Variants in RNF228 observed in about 807,000 individuals in gnomAD.
RNF228 encodes the protein ring finger protein 228.
chr2:222,316,192 T>C, the RNF228 span, among the ~76,000 whole-genome samples: 5 of 152,308 alleles, frequency 3.3e-5, no homozygotes, highest in Admixed American at 6.5e-5. Context: ...TTAAACCCAA[T>C]CTGCTGAATG....
At chr2:222,318,970 C>T in the RNF228 span, 1 of 153,266 alleles carries the variant, frequency 6.5e-6, no homozygotes, top group African/African-American at 2.4e-5. Flanking sequence ...CAGAGGCCCC[C>T]TCTTCTCCCG....
At chr2:222,315,317 G>A in the RNF228 span, among the ~76,000 whole-genome samples, 5 of 152,164 alleles carry the variant, frequency 3.3e-5, no homozygotes, top group African/African-American at 1.2e-4. Flanking sequence ...CAAAGTTCCT[G>A]TTTATGTCTT....
the RNF228 span, among the ~76,000 whole-genome samples, chr2:222,315,665 G>A: frequency 1.2e-4 from 18 of 152,236 alleles, no homozygotes; most frequent in Admixed American, 9.8e-4. Flanking sequence ...ACTCAAAGGA[G>A]GTTAAATGAT....
the RNF228 span, among the ~76,000 whole-genome samples, chr2:222,314,921 A>G: frequency 6.6e-6 from 1 of 152,236 alleles, no homozygotes; most frequent in African/African-American, 2.4e-5. Flanking sequence ...ATGTTCACAA[A>G]GATACCTTAA....
At chr2:222,319,271 G>T in the RNF228 span, 171 of 338,004 alleles carry the variant, frequency 5.1e-4, no homozygotes, top group Non-Finnish European at 8.2e-4. The surrounding 1 kb of genome is among the most constrained non-coding windows in gnomAD (Gnocchi z 7.6). Flanking sequence ...CCCCGCCTCC[G>T]GGGGTTCCCC....
the RNF228 span, among the ~76,000 whole-genome samples, chr2:222,315,716 G>A: frequency 6.6e-6 from 1 of 152,166 alleles, no homozygotes; most frequent in Non-Finnish European, 1.5e-5. Context: ...CCAATGTTCA[G>A]GCTTACACCT....
chr2:222,317,998 T>A, the RNF228 span: 1 of 152,208 alleles, frequency 6.6e-6, no homozygotes, highest in Non-Finnish European at 1.5e-5. Flanking sequence ...GCACAAAAAT[T>A]TCCAGATTTA....
At chr2:222,319,706 C>G in the RNF228 span, among the ~76,000 whole-genome samples, 1 of 143,516 alleles carries the variant, frequency 7.0e-6, no homozygotes, top group Non-Finnish European at 1.5e-5. This position sits in a 1 kb window ranked among gnomAD's most constrained non-coding sequence, Gnocchi z 7.6. Context: ...ACACCGGGCA[C>G]GCGATGGCGC....
At chr2:222,318,982 C>T in the RNF228 span, 1 of 153,580 alleles carries the variant, frequency 6.5e-6, no homozygotes, top group Admixed American at 6.5e-5. Flanking sequence ...CTTCTCCCGC[C>T]ACGCGGGGCT....
At chr2:222,319,229 C>A in the RNF228 span, 1 of 325,556 alleles carries the variant, frequency 3.1e-6, no homozygotes, top group Non-Finnish European at 5.6e-6. This position sits in a 1 kb window ranked among gnomAD's most constrained non-coding sequence, Gnocchi z 7.6. Context: ...AGGGCGAGGG[C>A]GACCCGGTGG....
the RNF228 span, chr2:222,317,524 G>C: frequency 1.3e-5 from 2 of 151,880 alleles, no homozygotes; most frequent in African/African-American, 4.8e-5. Flanking sequence ...TCAAAAGATG[G>C]AATAAAGAAT....
chr2:222,316,411 A>G, the RNF228 span, among the ~76,000 whole-genome samples: 1 of 152,250 alleles, frequency 6.6e-6, no homozygotes, highest in Admixed American at 6.5e-5. Context: ...TCAAATTTCA[A>G]TTACATGAAA....
the RNF228 span, chr2:222,319,256 G>C: frequency 3.0e-6 from 1 of 334,306 alleles, no homozygotes; most frequent in Non-Finnish European, 5.4e-6. The surrounding 1 kb of genome is among the most constrained non-coding windows in gnomAD (Gnocchi z 7.6). Flanking sequence ...CCTCGCCAGG[G>C]GGCGCCCCGC....
the RNF228 span, among the ~76,000 whole-genome samples, chr2:222,314,295 A>G: frequency 1.3e-5 from 2 of 152,230 alleles, no homozygotes; most frequent in Non-Finnish European, 2.9e-5. Flanking sequence ...CAATGCCAAT[A>G]TATATTACAA....
chr2:222,315,032 G>C, the RNF228 span, among the ~76,000 whole-genome samples: 2 of 151,348 alleles, frequency 1.3e-5, no homozygotes, highest in Admixed American at 1.3e-4. Flanking sequence ...GAGTTCCACT[G>C]TTATAGTGCT....
chr2:222,319,075 GGCCGCCGCC>G, the RNF228 span: 2 of 173,932 alleles, frequency 1.1e-5, no homozygotes, highest in South Asian at 1.7e-4. This position sits in a 1 kb window ranked among gnomAD's most constrained non-coding sequence, Gnocchi z 7.6. Flanking sequence ...CGTGCCCTCG[GGCCGCCGCC>G]GCCGCCGCTG....
the RNF228 span, chr2:222,317,349 A>G: frequency 2.0e-5 from 3 of 152,236 alleles, no homozygotes; most frequent in Middle Eastern, 3.2e-3. Flanking sequence ...TGGCCAATAA[A>G]TTACTTCACT....
At chr2:222,317,964 A>G in the RNF228 span, 9 of 152,362 alleles carry the variant, frequency 5.9e-5, no homozygotes, top group East Asian at 1.5e-3. Flanking sequence ...ACTGCTTATC[A>G]AACAATTTTC....
the RNF228 span, among the ~76,000 whole-genome samples, chr2:222,315,346 G>C: frequency 6.6e-6 from 1 of 152,148 alleles, no homozygotes; most frequent in African/African-American, 2.4e-5. Context: ...GCAGGAGAGT[G>C]ATGAAAAATG....
Sources: gnomAD v4.1 joint callset for allele counts (sites outside exome capture counted in the v4.1 genomes callset) on GRCh38, gnomAD v4.1.1 for gene constraint, Gnocchi (gnomAD v3.1) non-coding constraint, MANE v1.5 for transcripts, NCBI Gene and HGNC (gene_info 2026-07-23, HGNC 2026-07-21) for gene names.